RBFOX1: variants seen among roughly 807,000 people sequenced by gnomAD.
The protein encoded by RBFOX1 is RNA binding protein fox-1 homolog 1.
A neutral mutation model predicts 57.7 loss-of-function variants in RBFOX1; 8 were observed. That is an observed-to-expected ratio of 0.14 (90% CI 0.08 to 0.25). The LOEUF (loss-of-function observed/expected upper bound fraction) is 0.25, where lower values mean the gene tolerates loss of function less well. Ranked by LOEUF, RBFOX1 falls within the 10% of genes least tolerant of loss-of-function variation. The probability of loss-of-function intolerance (pLI) is 1.00; values close to 1 mark genes in which losing one functional copy is unlikely to be tolerated. For missense variants in RBFOX1, 611 were observed against 548.5 expected, an observed-to-expected ratio of 1.11 and a Z score of -1.14; for synonymous variants, 326 against 222.4, an observed-to-expected ratio of 1.47 and a Z score of -4.15.
chr16:6,468,244 C>T (rs2095095339), intron 2 of RBFOX1, among the ~76,000 whole-genome samples: 1 of 152,124 alleles, frequency 6.6e-6, no homozygotes. Flanking sequence ...GAAGGGCCCA[C>T]AGTTTACGTT....
intron 2 of RBFOX1, among the ~76,000 whole-genome samples, chr16:6,557,280 A>C (rs1289060327): frequency 6.6e-6 from 1 of 151,714 alleles, no homozygotes; most frequent in Admixed American, 6.6e-5. Context: ...CCATGAATTA[A>C]GATTTAAAAG....
chr16:5,875,905 G>A lies in RBFOX1; in HGVS notation c.351+8570G>A, dbSNP rs148360088. ...GTCTCCCAGGCTGGAGTGCAGTGGCGCCATCTGGGCTCACTGCAAGCCCCG... is the reference window on the plus strand; with the variant it reads ...GTCTCCCAGGCTGGAGTGCAGTGGCACCATCTGGGCTCACTGCAAGCCCCG... On this transcript the variant is annotated intron_variant, in intron 4 of 19. Coordinates refer to the RBFOX1 transcript ENST00000641259. Among the ~76,000 whole-genome samples, 362 of 150,948 alleles carry A rather than the reference G, an allele frequency of 2.4e-3. 1 individual carries two copies. The highest frequency in any genetic ancestry group is 8.4e-3 in the African/African-American group (343 of 41,024).
rs188173679 is a variant in RBFOX1 at position 6,848,974 on chromosome 16, C to T, written c.-16+194324C>T. Among the ~76,000 whole-genome samples the T allele has an allele frequency of 2.8e-3, 431 of 152,314 alleles. 1 individual carries two copies. The highest frequency in any genetic ancestry group is 0.01 in the African/African-American group (417 of 41,574). ...CCTTGCTTCATGCACGCTTAACTAG[C>T]AACTTGCCTGTCCTGATTCCAAAGC... On this transcript the variant is annotated intron_variant, in intron 3 of 15. Coordinates refer to ENST00000550418, the MANE Select transcript of RBFOX1 (RefSeq NM_018723.4).
At chr16:7,643,465 G>A (rs1272605139) in intron 11 of RBFOX1, among the ~76,000 whole-genome samples, 3 of 152,190 alleles carry the variant, frequency 2.0e-5, no homozygotes, top group African/African-American at 4.8e-5. Flanking sequence ...GGTTTCTTAT[G>A]CAGATCTTCC....
rs989531762 is a variant in RBFOX1, at chr16:6,019,762, A to C, written c.-357A>C. On this transcript the variant is annotated 5_prime_UTR_variant, in exon 1 of 16. Transcript: ENST00000550418. The surrounding 1 kb of genome is among the most constrained non-coding windows in gnomAD (Gnocchi z 4.2). The stretch of plus-strand genomic sequence containing the variant: ...GAGAGTCCTTGCGCTCCAGACCCCC[A>C]CCCAGTGGCCGCCAGGGTCCCCGCC... The C allele has an allele frequency of 7.1e-7, 1 of 1,403,550 alleles. No individual in the cohort carries two copies. Among genetic ancestry groups the C allele is most frequent in the East Asian group, 2.7e-5 (1 of 36,732 alleles). The allele number at this position is 1,403,550 out of a possible 1,614,324, so 86.9% of individuals were successfully genotyped here.
At chr16:7,179,111 C>G (rs766633965) in intron 4 of RBFOX1, among the ~76,000 whole-genome samples, 3 of 151,976 alleles carry the variant, frequency 2.0e-5, no homozygotes, top group Non-Finnish European at 4.4e-5. Context: ...TTGGTCAGAT[C>G]CCAGATTACT....
At position 6,143,065 on chromosome 16, in the gene RBFOX1, T is replaced by A. The variant is rs151118064; in HGVS notation, c.-127+123073T>A. ...TTGTTAAGTGCATGAGTTCATGAAA[T>A]AAATATTTGGGATAATGGAGCTGAA... On this transcript the variant is annotated intron_variant, in intron 1 of 15. Coordinates refer to ENST00000550418, the MANE Select transcript of RBFOX1 (RefSeq NM_018723.4). Among the ~76,000 whole-genome samples, 752 of 152,346 alleles carry A rather than the reference T, an allele frequency of 4.9e-3. 12 individuals are homozygous for A. Among genetic ancestry groups the A allele is most frequent in the African/African-American group, 0.017 (718 of 41,576 alleles).
At chr16:5,864,463 G>A (rs2057298485) in intron 3 of RBFOX1, among the ~76,000 whole-genome samples, 1 of 151,806 alleles carries the variant, frequency 6.6e-6, no homozygotes, top group South Asian at 2.1e-4. Context: ...TTGTCGGTTT[G>A]ATGTATCTCC....
chr16:6,950,183 C>T (rs1158063352), intron 3 of RBFOX1, among the ~76,000 whole-genome samples: 1 of 149,440 alleles, frequency 6.7e-6, no homozygotes, highest in African/African-American at 2.5e-5. Context: ...GTCTCAAACT[C>T]CTGACCTCAA....
intron 3 of RBFOX1, among the ~76,000 whole-genome samples, chr16:5,633,087 A>G (rs1458377687): frequency 1.3e-5 from 2 of 151,922 alleles, no homozygotes; most frequent in Admixed American, 6.6e-5. Context: ...TGTAGGCACC[A>G]GTCACCATGC....
intron 1 of RBFOX1, among the ~76,000 whole-genome samples, chr16:6,252,740 TA>T (rs1265287596): frequency 6.6e-6 from 1 of 152,198 alleles, no homozygotes; most frequent in East Asian, 1.9e-4. Context: ...AGTACATAAT[TA>T]GCATGGAGCA....
chr16:5,760,352 C>G (rs895908477), intron 3 of RBFOX1, among the ~76,000 whole-genome samples: 3 of 150,834 alleles, frequency 2.0e-5, no homozygotes, highest in African/African-American at 5.0e-5. Flanking sequence ...GATAAGTACT[C>G]AGCAATTTCA....
rs117870024 is a variant in RBFOX1 at position 6,915,321 on chromosome 16, C to G, written c.-15-136736C>G. Reference sequence around the variant, plus strand: ...TCTGTGTTGCGGACTAGGGAGCTAACTGCGGTTCCTTTCTGCAGGGAGGAA... The same window carrying G: ...TCTGTGTTGCGGACTAGGGAGCTAAGTGCGGTTCCTTTCTGCAGGGAGGAA... On this transcript the variant is annotated intron_variant, in intron 3 of 15. Coordinates refer to ENST00000550418, the MANE Select transcript of RBFOX1 (RefSeq NM_018723.4). Among the ~76,000 whole-genome samples, 1,298 of 152,252 alleles carry G rather than the reference C, an allele frequency of 8.5e-3. 13 individuals are homozygous for G. Among genetic ancestry groups the G allele is most frequent in the Non-Finnish European group, 0.013 (885 of 68,022 alleles).
intron 4 of RBFOX1, among the ~76,000 whole-genome samples, chr16:7,496,880 G>C (rs943647544): frequency 3.3e-5 from 5 of 152,012 alleles, no homozygotes; most frequent in Admixed American, 2.0e-4. Context: ...ACACAGAATG[G>C]ACTGAAAAAA....
intron 3 of RBFOX1, among the ~76,000 whole-genome samples, chr16:5,647,048 T>A (rs1218846920): frequency 6.6e-6 from 1 of 152,182 alleles, no homozygotes; most frequent in Non-Finnish European, 1.5e-5. Context: ...AAATACACTA[T>A]AGGACCCTGT....
intron 1 of RBFOX1, among the ~76,000 whole-genome samples, chr16:6,285,241 G>A (rs1157069088): frequency 6.6e-6 from 1 of 152,164 alleles, no homozygotes; most frequent in African/African-American, 2.4e-5. Flanking sequence ...GTTAAGCTTA[G>A]TAGGAAGTAG....
chr16:6,035,139 C>G (rs1371227103), intron 1 of RBFOX1, among the ~76,000 whole-genome samples: 8 of 152,190 alleles, frequency 5.3e-5, no homozygotes, highest in Non-Finnish European at 1.2e-4. Context: ...CCATCCATGA[C>G]AACCAAAGAC....
chr16:7,667,067 T>TG (rs2069583933), intron 13 of RBFOX1, among the ~76,000 whole-genome samples: 1 of 152,184 alleles, frequency 6.6e-6, no homozygotes, highest in Non-Finnish European at 1.5e-5. Flanking sequence ...GATTTTTCAG[T>TG]GGGGGAGCAT....
chr16:6,992,357 A>G (rs184969728), intron 3 of RBFOX1, among the ~76,000 whole-genome samples: 10 of 152,114 alleles, frequency 6.6e-5, no homozygotes, highest in Admixed American at 3.3e-4. Flanking sequence ...AGCTGGGACT[A>G]CAGGTACCCA....
Sources: allele counts gnomAD v4.1 joint callset (sites outside exome capture counted in the v4.1 genomes callset), GRCh38; gene constraint gnomAD v4.1.1; non-coding constraint Gnocchi (gnomAD v3.1); transcripts MANE v1.5; gene names NCBI Gene and HGNC (gene_info 2026-07-23, HGNC 2026-07-21).